The following TENM2 variants were observed in gnomAD, a reference collection of about 807,000 sequenced individuals.
The protein encoded by TENM2 is teneurin transmembrane protein 2.
Under a neutral mutation model 245.2 loss-of-function variants are expected in TENM2, and 52 were observed. The ratio of observed to expected loss-of-function variants is 0.21; its 90% CI spans 0.17 to 0.27. The LOEUF (loss-of-function observed/expected upper bound fraction) is 0.27, where lower values mean the gene tolerates loss of function less well. Among genes scored for constraint, TENM2 ranks in the 10% least tolerant of loss-of-function variants. TENM2 has a pLI of 1.00. For missense variants in TENM2, 3,046 were observed against 3,666.8 expected (o/e 0.83, Z 4.37); for synonymous variants, 1,363 against 1,438.9 (o/e 0.95, Z 1.19).
At chr5:167,055,516 A>C in the TENM2 span, among the ~76,000 whole-genome samples, 2 of 152,108 alleles carry the variant, frequency 1.3e-5, no homozygotes, top group African/African-American at 4.8e-5. Context: ...CATTTTGACA[A>C]GATTGAGTTT....
exon 2 of TENM2, chr5:167,375,217 C>T (rs1182829004): frequency 1.9e-5 from 29 of 1,551,478 alleles, no homozygotes; most frequent in Non-Finnish European, 2.4e-5. Context: ...TCACCCTTGC[C>T]GAACTGGGCA....
At chr5:167,426,736 G>A (rs1251674503) in intron 2 of TENM2, among the ~76,000 whole-genome samples, 3 of 151,780 alleles carry the variant, frequency 2.0e-5, no homozygotes, top group Non-Finnish European at 4.4e-5. Context: ...TTTCTTCATC[G>A]TACCTGTGTT....
intron 2 of TENM2, among the ~76,000 whole-genome samples, chr5:167,591,702 G>A (rs1004440342): frequency 2.0e-5 from 3 of 152,094 alleles, no homozygotes; most frequent in African/African-American, 4.8e-5. Context: ...TGTAAAATGG[G>A]AACAGTATCC....
intron 27 of TENM2, among the ~76,000 whole-genome samples, chr5:168,255,792 AT>A (rs1767598579): frequency 6.6e-6 from 1 of 151,920 alleles, no homozygotes; most frequent in African/African-American, 2.4e-5. Flanking sequence ...CATAAAATTT[AT>A]TTTTTATTTA....
At chr5:167,718,803 C>T (rs766598514) in intron 2 of TENM2, among the ~76,000 whole-genome samples, 25 of 151,878 alleles carry the variant, frequency 1.6e-4, no homozygotes, top group East Asian at 9.7e-4. Context: ...AAGAATTTAC[C>T]GGTTCGGTGA....
At chr5:167,084,366 T>TATATATATATAC in the TENM2 span, among the ~76,000 whole-genome samples, 35 of 114,870 alleles carry the variant, frequency 3.0e-4, 2 homozygotes, top group Admixed American at 1.6e-3. Flanking sequence ...TATATATATA[T>TATATATATATAC]ACAGATCAGA....
chr5:168,229,532 A>AT (rs1764636357), intron 25 of TENM2: 1 of 118,540 alleles, frequency 8.4e-6, no homozygotes, highest in African/African-American at 7.0e-5. Context: ...AAACTAATAA[A>AT]TAAAAATAAA....
At chr5:167,483,914 AT>A (rs1426331892) in intron 2 of TENM2, among the ~76,000 whole-genome samples, 1 of 152,210 alleles carries the variant, frequency 6.6e-6, no homozygotes, top group Non-Finnish European at 1.5e-5. Context: ...GCAGTTTGAC[AT>A]TTCATGGTAG....
chr5:167,143,689 AATGTCAGATGATGGGAGCTTTACATC>A, the TENM2 span, among the ~76,000 whole-genome samples: 3 of 152,276 alleles, frequency 2.0e-5, no homozygotes, highest in East Asian at 5.8e-4. Flanking sequence ...TTTAGAACAA[AATGTCAGATGATGGGAGCTTTACATC>A]ATGCAAGAGT....
intron 3 of TENM2, among the ~76,000 whole-genome samples, chr5:167,898,697 G>T (rs190150637): frequency 8.8e-4 from 134 of 152,294 alleles, no homozygotes; most frequent in African/African-American, 2.3e-3. Flanking sequence ...CTTGCCTAAG[G>T]CTAAGTCACT....
chr5:167,452,946 T>TATATTTTTTTTTTTAA lies in TENM2; in HGVS notation c.502+77477_502+77478insTTTTTTTTTTAAATAT, dbSNP rs1765679525. Among the ~76,000 whole-genome samples, 2 of 10,848 alleles carry TATATTTTTTTTTTTAA rather than the reference T, an allele frequency of 1.8e-4. 1 individual carries two copies. The highest frequency in any genetic ancestry group is 3.8e-4 in the African/African-American group (2 of 5,328). 7.1% of individuals were successfully genotyped at this position (10,848 alleles called of 152,430 possible). A position where few individuals can be genotyped will look rare whatever the true frequency, so the allele number is the denominator to read the frequency against. ...AAAGTATGATTTATATATATATATA[T>TATATTTTTTTTTTTAA]ATATATATATATATATTTAAAAAAA... is the stretch of plus-strand genomic sequence containing the variant. On this transcript the variant is annotated intron_variant, in intron 2 of 28. Transcript: ENST00000518659.
At chr5:168,256,858 A>G (rs1296081051) in intron 27 of TENM2, among the ~76,000 whole-genome samples, 2 of 152,194 alleles carry the variant, frequency 1.3e-5, no homozygotes, top group Non-Finnish European at 2.9e-5. Flanking sequence ...TTATATATCC[A>G]TATTTTTGGC....
At chr5:167,565,176 G>A (rs1287305124) in intron 2 of TENM2, among the ~76,000 whole-genome samples, 1 of 152,202 alleles carries the variant, frequency 6.6e-6, no homozygotes, top group Non-Finnish European at 1.5e-5. Context: ...CAAGTCAGTA[G>A]GACAAGGCTA....
chr5:167,076,382 C>T, the TENM2 span, among the ~76,000 whole-genome samples: 1 of 151,952 alleles, frequency 6.6e-6, no homozygotes, highest in South Asian at 2.1e-4. Flanking sequence ...GGAAAAAATC[C>T]TAATATTTTT....
At chr5:167,406,058 T>C (rs4509045) in intron 2 of TENM2, among the ~76,000 whole-genome samples, 150,849 of 152,154 alleles carry the variant, frequency 0.99, 74,780 homozygotes, top group East Asian at 1. Context: ...GAGAGCATAC[T>C]GAGAGTTTCT....
At chr5:167,209,355 C>A in the TENM2 span, among the ~76,000 whole-genome samples, 1 of 151,062 alleles carries the variant, frequency 6.6e-6, no homozygotes, top group Non-Finnish European at 1.5e-5. Context: ...CCTCCACCTC[C>A]CAGGTTCAAG....
chr5:167,789,803 C>T (rs559666502), intron 2 of TENM2, among the ~76,000 whole-genome samples: 4 of 152,296 alleles, frequency 2.6e-5, no homozygotes, highest in South Asian at 2.1e-4. Context: ...CCTGGCTCAG[C>T]TTACCAGCAG....
chr5:167,295,780 C>A (rs907135876), intron 1 of TENM2, among the ~76,000 whole-genome samples: 1 of 152,124 alleles, frequency 6.6e-6, no homozygotes, highest in Non-Finnish European at 1.5e-5. Context: ...TCACAAGCTC[C>A]CTTTTTCTCT....
the TENM2 span, among the ~76,000 whole-genome samples, chr5:167,207,728 G>A: frequency 6.6e-6 from 1 of 152,116 alleles, no homozygotes; most frequent in Non-Finnish European, 1.5e-5. Context: ...GTAAAGGGCT[G>A]CACTGTTTAC....
Sources: gnomAD v4.1 joint callset for allele counts (sites outside exome capture counted in the v4.1 genomes callset) on GRCh38, gnomAD v4.1.1 for gene constraint, MANE v1.5 for transcripts, NCBI Gene and HGNC (gene_info 2026-07-23, HGNC 2026-07-21) for gene names.